Variants in BCAS3 observed in about 807,000 individuals in gnomAD.
BCAS3 encodes BCAS4/BCAS3 fusion.
BCAS3 carries 53 observed loss-of-function variants against 116.1 expected under a neutral mutation model. The observed-to-expected ratio is 0.46, with a 90% CI of 0.37 to 0.57. BCAS3 has a LOEUF of 0.57. BCAS3 is among the 20% of genes least tolerant of loss of function. The pLI, the probability that BCAS3 is intolerant of heterozygous loss-of-function variation, is 0.00. For synonymous variants in BCAS3, 391 were observed against 408.2 expected (o/e 0.96, Z 0.51); for missense variants, 917 against 1,165.4 (o/e 0.79, Z 3.10).
intron 4 of BCAS3, among the ~76,000 whole-genome samples, chr17:60,706,550 G>A (rs900690352): frequency 3.3e-5 from 5 of 152,078 alleles, no homozygotes; most frequent in African/African-American, 1.2e-4. Context: ...GTTATACATG[G>A]TGGCTCATGC....
At chr17:60,738,159 C>T (rs2041164639) in intron 5 of BCAS3, among the ~76,000 whole-genome samples, 1 of 152,200 alleles carries the variant, frequency 6.6e-6, no homozygotes. Flanking sequence ...CCATGTCTGC[C>T]TGAAGAATGT....
intron 6 of BCAS3, among the ~76,000 whole-genome samples, chr17:60,766,515 C>T (rs2044111791): frequency 6.6e-6 from 1 of 152,166 alleles, no homozygotes; most frequent in Non-Finnish European, 1.5e-5. Flanking sequence ...TGGGTACCAC[C>T]AGCAGCAGCT....
chr17:60,742,146 C>T (rs1242353745), intron 5 of BCAS3, among the ~76,000 whole-genome samples: 1 of 152,150 alleles, frequency 6.6e-6, no homozygotes, highest in Non-Finnish European at 1.5e-5. Flanking sequence ...CTAAAATGTA[C>T]TGTTTGGAAT....
rs562284424 is a variant in BCAS3 at position 61,286,984 on chromosome 17, C to T, written c.2426-81343C>T. ...TCTATGGAGGCCAGGCGTGGTGGCT[C>T]GCGCCTGTAATCCCAGCACTTTGGG... On this transcript the variant is annotated intron_variant, in intron 22 of 23. Transcript: ENST00000407086. The surrounding 1 kb of genome is among the most constrained non-coding windows in gnomAD (Gnocchi z 4.8). 4.6e-5 allele frequency among the ~76,000 whole-genome samples: 7 copies of T among 152,166 alleles called. No individual in the cohort carries two copies. Among genetic ancestry groups the T allele is most frequent in the South Asian group, 4.2e-4 (2 of 4,816 alleles).
Position 60,995,245 on chromosome 17 carries a change from C to A in BCAS3, c.1486+5010C>A, listed in dbSNP as rs983033422. On this transcript the variant is annotated intron_variant, in intron 15 of 23. Transcript: ENST00000407086. The surrounding 1 kb of genome is among the most constrained non-coding windows in gnomAD (Gnocchi z 4.7). The stretch of plus-strand genomic sequence containing the variant: ...TTGGCTTGCTGCAACCTCCACCTCC[C>A]GGGTTCAAGTGATTCTTCTGCTTCA... Among the ~76,000 whole-genome samples the A allele has an allele frequency of 1.3e-5, 2 of 151,868 alleles. No individual in the cohort carries two copies. Among genetic ancestry groups the A allele is most frequent in the Non-Finnish European group, 2.9e-5 (2 of 67,946 alleles).
intron 22 of BCAS3, among the ~76,000 whole-genome samples, chr17:61,094,163 A>G (rs1268734877): frequency 6.6e-6 from 1 of 152,188 alleles, no homozygotes; most frequent in Non-Finnish European, 1.5e-5. Flanking sequence ...GTTCTTTTTT[A>G]AGCTGTATTC....
In BCAS3 at chr17:61,007,906, A is replaced by G. The variant is rs2064830950; in HGVS notation, c.1487-7845A>G. ...TTGCAGTGTTTTTACTTCACCATCG[A>G]TTGCCTCCAAAAAAAAGTTATAGGC... On this transcript the variant is annotated intron_variant, in intron 15 of 23. Transcript: ENST00000407086. This position sits in a 1 kb window ranked among gnomAD's most constrained non-coding sequence, Gnocchi z 4.3. 6.6e-6 allele frequency among the ~76,000 whole-genome samples: 1 copy of G among 152,040 alleles called. No individual in the cohort carries two copies. Among genetic ancestry groups the G allele is most frequent in the Non-Finnish European group, 1.5e-5 (1 of 67,974 alleles).
chr17:61,234,949 A>G (rs760479406), intron 22 of BCAS3, among the ~76,000 whole-genome samples: 2 of 152,106 alleles, frequency 1.3e-5, no homozygotes, highest in Admixed American at 6.6e-5. Flanking sequence ...GTGCAGTGGC[A>G]TGATCTCGGC....
intron 22 of BCAS3, among the ~76,000 whole-genome samples, chr17:61,270,172 T>C (rs1243439174): frequency 7.2e-6 from 1 of 138,392 alleles, no homozygotes; most frequent in Non-Finnish European, 1.5e-5. Flanking sequence ...CAGGCTAGAG[T>C]GCGATGGTGC....
At position 61,332,769 on chromosome 17, in the gene BCAS3, C is replaced by T. The variant is rs1251272179; in HGVS notation, c.2426-35558C>T. Among the ~76,000 whole-genome samples, 1 of 152,162 alleles carries T rather than the reference C, an allele frequency of 6.6e-6. No individual in the cohort carries two copies. Among genetic ancestry groups the T allele is most frequent in the Non-Finnish European group, 1.5e-5 (1 of 68,042 alleles). Reference sequence around the variant, plus strand: ...TAGCTGGGATTATAGGCGTCTGCCACCACGCCTGGCTAATTTTTGTATTTT... The same window carrying T: ...TAGCTGGGATTATAGGCGTCTGCCATCACGCCTGGCTAATTTTTGTATTTT... On this transcript the variant is annotated intron_variant, in intron 22 of 23. Coordinates refer to ENST00000407086, the MANE Select transcript of BCAS3 (RefSeq NM_017679.5). The surrounding 1 kb of genome is among the most constrained non-coding windows in gnomAD (Gnocchi z 5.4).
intron 6 of BCAS3, among the ~76,000 whole-genome samples, chr17:60,790,373 C>T (rs2046655496): frequency 6.6e-6 from 1 of 151,940 alleles, no homozygotes; most frequent in South Asian, 2.1e-4. Context: ...TTGGAAAGAC[C>T]AGGAAGTAGA....
In BCAS3 at chr17:61,211,857, G is replaced by A. The variant is rs189787894; in HGVS notation, c.2425+127293G>A. ...CTTGGAGAGCAAGCTGCCCACCAGG[G>A]CAGGGCCTTAGCATAAAGTTAATAT... On this transcript the variant is annotated intron_variant, in intron 22 of 23. Transcript: ENST00000407086. The surrounding 1 kb of genome is among the most constrained non-coding windows in gnomAD (Gnocchi z 4.4). Among the ~76,000 whole-genome samples, 1 of 152,310 alleles carries A rather than the reference G, an allele frequency of 6.6e-6. No individual in the cohort carries two copies. The highest frequency in any genetic ancestry group is 2.4e-5 in the African/African-American group (1 of 41,568).
intron 7 of BCAS3, among the ~76,000 whole-genome samples, chr17:60,852,503 A>G (rs938057073): frequency 6.6e-6 from 1 of 152,242 alleles, no homozygotes; most frequent in Non-Finnish European, 1.5e-5. Flanking sequence ...TCCAAATTTA[A>G]GCTGGAAAGT....
intron 7 of BCAS3, among the ~76,000 whole-genome samples, chr17:60,849,465 C>G (rs74360574): frequency 0.19 from 28,569 of 151,724 alleles, 3,271 homozygotes; most frequent in African/African-American, 0.32. Flanking sequence ...GAGTAATGGA[C>G]TTGGTTGGGT....
chr17:60,714,245 G>T (rs778512478), intron 5 of BCAS3, among the ~76,000 whole-genome samples: 5 of 152,186 alleles, frequency 3.3e-5, no homozygotes, highest in Non-Finnish European at 7.3e-5. Flanking sequence ...TGGGATTACA[G>T]ATGTAAGCCA....
At chr17:60,829,788 A>G (rs751085591) in intron 7 of BCAS3, among the ~76,000 whole-genome samples, 2 of 152,104 alleles carry the variant, frequency 1.3e-5, no homozygotes, top group Non-Finnish European at 2.9e-5. Flanking sequence ...TTGCCAATAT[A>G]TGAAATGATA....
Position 60,993,021 on chromosome 17 carries a change from T to C in BCAS3, c.1486+2786T>C, listed in dbSNP as rs1322489579. Among the ~76,000 whole-genome samples, 2 of 152,220 alleles carry C rather than the reference T, an allele frequency of 1.3e-5. No homozygotes were observed. Among genetic ancestry groups the C allele is most frequent in the Non-Finnish European group, 2.9e-5 (2 of 68,038 alleles). On this transcript the variant is annotated intron_variant, in intron 15 of 23. Transcript: ENST00000407086. This position sits in a 1 kb window ranked among gnomAD's most constrained non-coding sequence, Gnocchi z 4.2. ...GAAGGCTTTGTGATCCCTACATTTA[T>C]ATGTCTTTGGAAGATATTTCCTTGA...
At chr17:60,814,784 A>G (rs1394069112) in intron 7 of BCAS3, among the ~76,000 whole-genome samples, 4 of 152,176 alleles carry the variant, frequency 2.6e-5, no homozygotes, top group Non-Finnish European at 5.9e-5. Context: ...AATGAATTCA[A>G]AGGAAGTCTC....
At chr17:60,950,855 C>T (rs1031459200) in intron 14 of BCAS3, among the ~76,000 whole-genome samples, 4 of 152,150 alleles carry the variant, frequency 2.6e-5, no homozygotes, top group Non-Finnish European at 1.5e-5. Context: ...CAACACCCTT[C>T]ACCAACTTTT....
Sources: gnomAD v4.1 joint callset for allele counts (sites outside exome capture counted in the v4.1 genomes callset) on GRCh38, gnomAD v4.1.1 for gene constraint, Gnocchi (gnomAD v3.1) non-coding constraint, MANE v1.5 for transcripts, NCBI Gene and HGNC (gene_info 2026-07-23, HGNC 2026-07-21) for gene names.